Variants in CDC14B observed in about 807,000 individuals in gnomAD.
The protein encoded by CDC14B is cell division cycle 14B, also known as dual specificity protein phosphatase CDC14B.
In CDC14B, 22 loss-of-function variants were observed where a neutral mutation model predicts 64.2. That is an observed-to-expected ratio of 0.34 (90% CI 0.24 to 0.49). CDC14B has a LOEUF of 0.49. CDC14B is among the 20% of genes least tolerant of loss of function. The pLI, the probability that CDC14B is intolerant of heterozygous loss-of-function variation, is 0.99. For synonymous variants in CDC14B, 191 were observed against 215.8 expected, an observed-to-expected ratio of 0.89 and a Z score of 1.01; for missense variants, 498 against 629.9, an observed-to-expected ratio of 0.79 and a Z score of 2.24.
At chr9:96,602,963 C>T (rs1846601997) in intron 1 of CDC14B, among the ~76,000 whole-genome samples, 2 of 152,016 alleles carry the variant, frequency 1.3e-5, no homozygotes, top group South Asian at 2.1e-4. Flanking sequence ...CACCACATCT[C>T]GACTTAGAGA....
chr9:96,614,826 A>C (rs2119066170), intron 1 of CDC14B, among the ~76,000 whole-genome samples: 1 of 152,188 alleles, frequency 6.6e-6, no homozygotes, highest in Non-Finnish European at 1.5e-5. Context: ...TTTAATGCTT[A>C]CAGTTTACAC....
At chr9:96,518,384 G>A (rs528494205) in intron 12 of CDC14B, among the ~76,000 whole-genome samples, 25 of 152,128 alleles carry the variant, frequency 1.6e-4, no homozygotes, top group African/African-American at 4.8e-4. Context: ...GCGTGGTGGC[G>A]TGTGCCTGTA....
intron 9 of CDC14B, among the ~76,000 whole-genome samples, chr9:96,531,685 ATAC>A (rs1564261914): frequency 1.3e-5 from 2 of 152,164 alleles, no homozygotes; most frequent in African/African-American, 2.4e-5. Context: ...CACAAAAATT[ATAC>A]TACTTGCAAA....
chr9:96,517,409 T>A (rs1317948927), intron 12 of CDC14B, among the ~76,000 whole-genome samples: 1 of 143,038 alleles, frequency 7.0e-6, no homozygotes, highest in Non-Finnish European at 1.5e-5. Context: ...TCCCAGCACT[T>A]TGGGAGGCTG....
intron 5 of CDC14B, among the ~76,000 whole-genome samples, chr9:96,542,727 T>A (rs1840241704): frequency 6.6e-6 from 1 of 151,868 alleles, no homozygotes; most frequent in African/African-American, 2.4e-5. Flanking sequence ...ACTCCCGGCC[T>A]CTGCCGGGCG....
chr9:96,557,848 G>C (rs1197953914), intron 4 of CDC14B, among the ~76,000 whole-genome samples: 15 of 152,304 alleles, frequency 9.8e-5, no homozygotes, highest in Non-Finnish European at 5.9e-5. Flanking sequence ...AAGCAAATTT[G>C]CAAGCTACGT....
chr9:96,547,509 G>C (rs1294594992), intron 5 of CDC14B, among the ~76,000 whole-genome samples: 1 of 151,736 alleles, frequency 6.6e-6, no homozygotes, highest in African/African-American at 2.4e-5. Flanking sequence ...TGTGCAGGCT[G>C]AGTGCAGTGG....
chr9:96,524,990 G>T (rs1265338328), intron 9 of CDC14B, among the ~76,000 whole-genome samples: 2 of 152,158 alleles, frequency 1.3e-5, no homozygotes, highest in Non-Finnish European at 2.9e-5. Context: ...TAGCAGGGGA[G>T]ATTTGTAAGG....
intron 6 of CDC14B, among the ~76,000 whole-genome samples, chr9:96,540,662 A>G (rs1839924886): frequency 6.6e-6 from 1 of 151,690 alleles, no homozygotes; most frequent in African/African-American, 2.4e-5. Context: ...ATAATAGATC[A>G]TTTCCAAACC....
At chr9:96,523,127 G>A in intron 11 of CDC14B, 134 bp downstream of exon 11, 1 of 941,954 alleles carries the variant, frequency 1.1e-6, no homozygotes, top group South Asian at 1.7e-5. Context: ...GCCTAGAGAG[G>A]GTTATAAATA....
chr9:96,550,823 T>C (rs536211487), intron 5 of CDC14B, among the ~76,000 whole-genome samples: 1 of 152,332 alleles, frequency 6.6e-6, no homozygotes, highest in African/African-American at 2.4e-5. Flanking sequence ...CACAATCGCA[T>C]GCTAAGTTTG....
At chr9:96,605,805 G>T (rs528456315) in intron 1 of CDC14B, among the ~76,000 whole-genome samples, 1 of 152,018 alleles carries the variant, frequency 6.6e-6, no homozygotes, top group Middle Eastern at 3.4e-3. Flanking sequence ...AGGTTGCAGC[G>T]AGCCAAGATT....
rs373160930 is a variant in CDC14B at position 96,560,582 on chromosome 9, C to CTTTTTTTTTTTTT, written c.420+2110_420+2111insAAAAAAAAAAAAA. 2.7e-4 allele frequency among the ~76,000 whole-genome samples: 35 copies of CTTTTTTTTTTTTT among 127,692 alleles called. 2 individuals are homozygous for CTTTTTTTTTTTTT. Among genetic ancestry groups the CTTTTTTTTTTTTT allele is most frequent in the African/African-American group, 1.1e-3 (35 of 31,734 alleles). The allele number at this position is 127,692 out of a possible 152,430, so 83.8% of individuals were successfully genotyped here. A position where few individuals can be genotyped will look rare whatever the true frequency, so the allele number is the denominator to read the frequency against. On this transcript the variant is annotated intron_variant, in intron 4 of 13. Transcript: ENST00000375241. Reference sequence around the variant, plus strand: ...GGTTCATACATAGACTTTTCTCTTTCTCTTTTTTTTTTTTTTTTTGAGACG... The same window carrying CTTTTTTTTTTTTT: ...GGTTCATACATAGACTTTTCTCTTTCTTTTTTTTTTTTTTCTTTTTTTTTTTTTTTTTGAGACG...
intron 13 of CDC14B, among the ~76,000 whole-genome samples, chr9:96,508,093 GA>G (rs1458285406): frequency 6.6e-6 from 1 of 151,414 alleles, no homozygotes; most frequent in Non-Finnish European, 1.5e-5. Context: ...ATGACTCACT[GA>G]AACCTCCGCC....
exon 14 of CDC14B, chr9:96,492,080 T>C (rs1168550386): frequency 6.6e-6 from 1 of 152,322 alleles, no homozygotes; most frequent in African/African-American, 2.4e-5. Flanking sequence ...GCCGGACTCC[T>C]CAGGTGCTTG....
At chr9:96,562,913 T>C (rs1587981846) in intron 3 of CDC14B, 128 bp from the exon 4 acceptor site, 2 of 657,968 alleles carry the variant, frequency 3.0e-6, no homozygotes, top group Admixed American at 2.7e-5. Context: ...TTTGAAAAGA[T>C]TAACATTGAT....
intron 1 of CDC14B, among the ~76,000 whole-genome samples, chr9:96,604,686 G>T (rs1406675233): frequency 1.3e-5 from 2 of 151,134 alleles, no homozygotes; most frequent in Non-Finnish European, 3.0e-5. Flanking sequence ...GGGGCAGGAG[G>T]GGGACAGAGT....
chr9:96,596,860 CT>C (rs1846114953), intron 1 of CDC14B, among the ~76,000 whole-genome samples: 1 of 143,604 alleles, frequency 7.0e-6, no homozygotes. Flanking sequence ...CCTTCTCTAT[CT>C]TTAAAAAAAA....
chr9:96,605,589 G>T (rs564368625), intron 1 of CDC14B, among the ~76,000 whole-genome samples: 45 of 152,242 alleles, frequency 3.0e-4, no homozygotes, highest in South Asian at 6.2e-4. Context: ...GTGCTTCCTG[G>T]GATCATTTCC....
Sources: gnomAD v4.1 joint callset for allele counts (sites outside exome capture counted in the v4.1 genomes callset) on GRCh38, gnomAD v4.1.1 for gene constraint, MANE v1.5 for transcripts, NCBI Gene and HGNC (gene_info 2026-07-23, HGNC 2026-07-21) for gene names.